Variants in FHIT observed in about 807,000 individuals in gnomAD.
The protein encoded by FHIT is bis(5'-adenosyl)-triphosphatase.
Under a neutral mutation model 17.9 loss-of-function variants are expected in FHIT, and 19 were observed. That is an observed-to-expected ratio of 1.06 (90% CI 0.74 to 1.56). FHIT has a LOEUF of 1.56. Ranked by LOEUF, FHIT falls within the 40% of genes most tolerant of loss-of-function variation. The probability of loss-of-function intolerance (pLI) is 0.00; values close to 1 mark genes in which losing one functional copy is unlikely to be tolerated. For synonymous variants in FHIT, 81 were observed against 69.7 expected (o/e 1.16, Z -0.81); for missense variants, 248 against 189.2 (o/e 1.31, Z -1.82).
At chr3:60,110,095 T>A (rs1001383681) in intron 5 of FHIT, among the ~76,000 whole-genome samples, 4 of 152,182 alleles carry the variant, frequency 2.6e-5, no homozygotes, top group Non-Finnish European at 2.9e-5. Context: ...GAAACCTGTG[T>A]TCCAGGGACA....
chr3:60,413,958 G>A (rs943073775), intron 5 of FHIT, among the ~76,000 whole-genome samples: 4 of 152,138 alleles, frequency 2.6e-5, no homozygotes, highest in African/African-American at 9.7e-5. Context: ...TTACAATCTA[G>A]TCAGAAAAAC....
In FHIT at chr3:60,001,313, A is replaced by G. The variant is rs184811716; in HGVS notation, c.279+10058T>C. Among the ~76,000 whole-genome samples, 5 of 152,296 alleles carry G rather than the reference A, an allele frequency of 3.3e-5. No individual in the cohort carries two copies. In the East Asian group the frequency reaches 9.7e-4, roughly 29 times the overall value. ...TGTTAATATTAACTATAGAATTTCTACAACTTTTTCAGCCTTCCTGCATTA... is the reference window on the plus strand; with the variant it reads ...TGTTAATATTAACTATAGAATTTCTGCAACTTTTTCAGCCTTCCTGCATTA... On this transcript the variant is annotated intron_variant, in intron 7 of 9. Transcript: ENST00000492590.
chr3:61,125,381 T>A (rs144939245), intron 2 of FHIT, among the ~76,000 whole-genome samples: 1 of 152,334 alleles, frequency 6.6e-6, no homozygotes, highest in Non-Finnish European at 1.5e-5. Context: ...ATCATTTTAG[T>A]CAATAGCAAA....
At chr3:60,139,259 A>T (rs910378659) in intron 5 of FHIT, among the ~76,000 whole-genome samples, 1 of 152,162 alleles carries the variant, frequency 6.6e-6, no homozygotes, top group African/African-American at 2.4e-5. Context: ...CACTGTGTCT[A>T]CTTCATCAGA....
At chr3:60,045,852 C>G (rs768213602) in intron 5 of FHIT, among the ~76,000 whole-genome samples, 1 of 152,132 alleles carries the variant, frequency 6.6e-6, no homozygotes, top group Non-Finnish European at 1.5e-5. Context: ...GAGGAGAGCA[C>G]GCTTGGAAAG....
chr3:60,599,863 T>C (rs1001583023), intron 4 of FHIT, among the ~76,000 whole-genome samples: 7 of 152,100 alleles, frequency 4.6e-5, no homozygotes, highest in Admixed American at 1.3e-4. Flanking sequence ...CTCAGCACTA[T>C]TGACATTTTA....
chr3:61,231,432 GGA>G (rs1355215298), intron 1 of FHIT, among the ~76,000 whole-genome samples: 4 of 151,956 alleles, frequency 2.6e-5, no homozygotes, highest in South Asian at 4.2e-4. Flanking sequence ...AGTTCAAGGT[GGA>G]GCCATGATCA....
intron 5 of FHIT, among the ~76,000 whole-genome samples, chr3:60,308,412 A>G (rs1002138262): frequency 2.0e-5 from 3 of 151,262 alleles, no homozygotes; most frequent in African/African-American, 4.8e-5. Flanking sequence ...ATGGGCTGTT[A>G]CAGACCAGGA....
At chr3:60,269,216 T>G (rs1706742161) in intron 5 of FHIT, among the ~76,000 whole-genome samples, 2 of 152,194 alleles carry the variant, frequency 1.3e-5, no homozygotes, top group East Asian at 1.9e-4. Flanking sequence ...AAATAAGAAC[T>G]AAGAAGAACA....
rs772577522 is a variant in FHIT, at chr3:59,752,204, C to G, written c.*5+17G>C. On this transcript the variant is annotated intron_variant, in intron 9 of 9. Transcript: ENST00000492590. The stretch of plus-strand genomic sequence containing the variant: ...GCCCACGGGAGGGTCTGGGTAATGA[C>G]GAAATGCAGTCTTTACCTGTGTCAC... The G allele has an allele frequency of 1.9e-6, 3 of 1,588,598 alleles. No individual in the cohort carries two copies. The highest frequency in any genetic ancestry group is 4.5e-5 in the East Asian group (2 of 44,426).
At chr3:60,534,702 G>T (rs2035919409) in intron 5 of FHIT, among the ~76,000 whole-genome samples, 1 of 152,040 alleles carries the variant, frequency 6.6e-6, no homozygotes. Context: ...CAAACAAACT[G>T]AAGTGTGTTA....
intron 3 of FHIT, among the ~76,000 whole-genome samples, chr3:60,905,204 C>A (rs1402577782): frequency 6.6e-6 from 1 of 152,082 alleles, no homozygotes; most frequent in African/African-American, 2.4e-5. Context: ...ACCGAAAACT[C>A]TTCTTAACAA....
chr3:60,246,406 C>G (rs1335346065), intron 5 of FHIT, among the ~76,000 whole-genome samples: 2 of 152,038 alleles, frequency 1.3e-5, no homozygotes, highest in Non-Finnish European at 2.9e-5. Context: ...ACTTTACAAA[C>G]TAGAAACAAA....
At chr3:60,532,744 T>G (rs78920626) in intron 5 of FHIT, among the ~76,000 whole-genome samples, 3,858 of 152,278 alleles carry the variant, frequency 0.025, 219 homozygotes, top group East Asian at 0.17. Context: ...GTTTTGAGAA[T>G]GAAGCAAACG....
intron 5 of FHIT, among the ~76,000 whole-genome samples, chr3:60,179,334 T>A (rs1302764779): frequency 6.6e-6 from 1 of 152,228 alleles, no homozygotes; most frequent in Admixed American, 6.5e-5. Context: ...TTCCCCTATA[T>A]CACAGTGGTG....
chr3:59,799,527 G>A (rs1161058427), intron 8 of FHIT, among the ~76,000 whole-genome samples: 1 of 152,186 alleles, frequency 6.6e-6, no homozygotes, highest in East Asian at 1.9e-4. Context: ...ACAGCAACGT[G>A]TCTGGAAACC....
At chr3:60,808,431 G>A (rs554643412) in intron 4 of FHIT, among the ~76,000 whole-genome samples, 177 of 152,096 alleles carry the variant, frequency 1.2e-3, no homozygotes, top group Middle Eastern at 6.8e-3. Context: ...TACCTACATG[G>A]CCGTCCTAGG....
intron 3 of FHIT, among the ~76,000 whole-genome samples, chr3:60,923,154 A>C (rs1192755132): frequency 6.6e-6 from 1 of 152,208 alleles, no homozygotes; most frequent in Non-Finnish European, 1.5e-5. Context: ...AACTGTGCCT[A>C]ATTATCCCAC....
At chr3:60,052,181 G>C (rs949765856) in intron 5 of FHIT, among the ~76,000 whole-genome samples, 3 of 152,068 alleles carry the variant, frequency 2.0e-5, no homozygotes, top group African/African-American at 7.2e-5. Context: ...TTCTCTAGGG[G>C]TCACAGTCTA....
Sources: gnomAD v4.1 joint callset for allele counts (sites outside exome capture counted in the v4.1 genomes callset) on GRCh38, gnomAD v4.1.1 for gene constraint, MANE v1.5 for transcripts, NCBI Gene and HGNC (gene_info 2026-07-23, HGNC 2026-07-21) for gene names.